Variants in COL17A1 observed in about 807,000 individuals in gnomAD.
The protein encoded by COL17A1 is collagen type XVII alpha 1 chain, also known as collagen alpha-1(XVII) chain.
A neutral mutation model predicts 218.4 loss-of-function variants in COL17A1; 181 were observed. The ratio of observed to expected loss-of-function variants is 0.83; its 90% CI spans 0.73 to 0.94. The LOEUF (loss-of-function observed/expected upper bound fraction) is 0.94, where lower values mean the gene tolerates loss of function less well. COL17A1 is among the 40% of genes least tolerant of loss of function. COL17A1 has a pLI of 0.00. For synonymous variants in COL17A1, 721 were observed against 731.0 expected (o/e 0.99, Z 0.22); for missense variants, 1,924 against 1,945.9 (o/e 0.99, Z 0.21).
intron 30 of COL17A1, 108 bp from the exon 31 acceptor site, chr10:104,047,918 A>G: frequency 4.4e-6 from 6 of 1,363,986 alleles, no homozygotes; most frequent in Non-Finnish European, 6.3e-6. Flanking sequence ...ACTTGCTGGC[A>G]GGTGGAAAGG....
chr10:104,076,524 G>A, intron 4 of COL17A1, 95 bp from the exon 5 acceptor site: 4 of 1,574,038 alleles, frequency 2.5e-6, no homozygotes, highest in Non-Finnish European at 3.5e-6. Flanking sequence ...AGTACACTCA[G>A]GGAGGGTCTT....
At chr10:104,042,521 C>T (rs1215376091) in intron 35 of COL17A1, 66 bp from the exon 36 acceptor site, 1 of 1,510,816 alleles carries the variant, frequency 6.6e-7, no homozygotes, top group Non-Finnish European at 9.2e-7. Context: ...GAACTAAAGG[C>T]ATAATTCCTC....
chr10:104,055,248 C>G lies in COL17A1; in HGVS notation c.1717+124G>C, dbSNP rs1418462636. 10 of 1,534,568 alleles carry G rather than the reference C, an allele frequency of 6.5e-6. No homozygotes were observed. In the East Asian group the frequency reaches 2.0e-4, roughly 31 times the overall value. On this transcript the variant is annotated intron_variant, in intron 19 of 55. Transcript: ENST00000648076. ...CCAACAGATACCTCCCAACAGATAC[C>G]ATAAGATCATTCAGCTCTTCATCCT...
intron 51 of COL17A1, 106 bp from the exon 52 acceptor site, chr10:104,034,440 A>G: frequency 6.8e-7 from 1 of 1,473,716 alleles, no homozygotes. Context: ...GAGAGACCAG[A>G]AGTGAACTTC....
chr10:104,045,950 C>T (rs899792882), intron 32 of COL17A1, among the ~76,000 whole-genome samples, 157 bp from the exon 33 acceptor site: 8 of 152,164 alleles, frequency 5.3e-5, no homozygotes, highest in South Asian at 2.1e-4. Flanking sequence ...TAGACAACCC[C>T]GGGGAGCCTC....
At position 104,050,730 on chromosome 10, in the gene COL17A1, G is replaced by A. The variant is rs370172833; in HGVS notation, c.2093-74C>T. ...CCAGGAAGGGGCAATGTCTGTCTCT[G>A]AAGACAGGCTCCCTCAATCCTGACT... is the stretch of plus-strand genomic sequence containing the variant. On this transcript the variant is annotated intron_variant, in intron 26 of 55. Coordinates refer to ENST00000648076, the MANE Select transcript of COL17A1 (RefSeq NM_000494.4). The A allele has an allele frequency of 3.6e-4, 574 of 1,613,770 alleles. 1 individual carries two copies. The highest frequency in any genetic ancestry group is 4.7e-4 in the Non-Finnish European group (550 of 1,179,780).
Position 104,077,416 on chromosome 10 carries a change from A to C in COL17A1, c.202+6T>G, listed in dbSNP as rs139524792. 705 of 1,608,958 alleles carry C rather than the reference A, an allele frequency of 4.4e-4. 5 individuals are homozygous for C. The East Asian group carries it at 6.6e-3, about 15-fold the overall frequency. On this transcript the variant is annotated splice_donor_region_variant and intron_variant, in intron 4 of 55. Coordinates refer to ENST00000648076, the MANE Select transcript of COL17A1 (RefSeq NM_000494.4). ...TCCCTGACCTCTTGCACTAGTGGGCACTCACTTGAGTTTATGTAGCCGCTG... is the reference window on the plus strand; with the variant it reads ...TCCCTGACCTCTTGCACTAGTGGGCCCTCACTTGAGTTTATGTAGCCGCTG...
intron 5 of COL17A1, among the ~76,000 whole-genome samples, chr10:104,074,761 G>A (rs890984223): frequency 1.3e-5 from 2 of 152,218 alleles, no homozygotes; most frequent in African/African-American, 2.4e-5. Context: ...GTCCTGCAGC[G>A]GCAGGAGGGA....
chr10:104,079,740 A>G (rs2086747404), intron 2 of COL17A1, among the ~76,000 whole-genome samples: 1 of 152,184 alleles, frequency 6.6e-6, no homozygotes, highest in South Asian at 2.1e-4. Flanking sequence ...AGCCTGGCCA[A>G]CATAGTGAAA....
chr10:104,038,947 G>T (rs1433682099), intron 44 of COL17A1, 124 bp downstream of exon 44: 1 of 1,143,644 alleles, frequency 8.7e-7, no homozygotes, highest in Non-Finnish European at 1.3e-6. Context: ...AGCACATGGA[G>T]AAGACAGCCA....
chr10:104,039,344 T>G, intron 43 of COL17A1, 101 bp downstream of exon 43: 1 of 1,345,932 alleles, frequency 7.4e-7, no homozygotes, highest in Admixed American at 1.7e-5. Flanking sequence ...CTCCCAAGAC[T>G]TTACACTGAT....
At position 104,052,185 on chromosome 10, in the gene COL17A1, G is replaced by A. The variant is rs1208672325; in HGVS notation, c.1972C>T (p.Pro658Ser). 2 of 1,614,156 alleles carry A rather than the reference G, an allele frequency of 1.2e-6. No individual in the cohort carries two copies. The highest frequency in any genetic ancestry group is 3.3e-5 in the Admixed American group (2 of 60,032). The change falls in exon 24 of 56, where the codon CCT becomes TCT. Residue 658 changes from proline to serine, a missense_variant. Physicochemically the swap from Pro to Ser is moderately conservative, Grantham distance 74 (BLOSUM62 -1). Coordinates refer to ENST00000648076, the MANE Select transcript of COL17A1 (RefSeq NM_000494.4). ...GGACCCACAGAACCTGGGACACCAGGTGGGCCATGAGGACCTGGTTCACCA... is the reference window on the plus strand; with the variant it reads ...GGACCCACAGAACCTGGGACACCAGATGGGCCATGAGGACCTGGTTCACCA... Reference protein sequence around the residue: ...AAGEPGPHGPPGVPGSVGPKG... With the variant: ...AAGEPGPHGPSGVPGSVGPKG...
At chr10:104,035,817 A>AGT (rs1191290657) in intron 48 of COL17A1, among the ~76,000 whole-genome samples, 2 of 18,620 alleles carry the variant, frequency 1.1e-4, no homozygotes, top group African/African-American at 2.2e-4. Context: ...TATGGGAGTG[A>AGT]GTGTGTGTGT....
intron 48 of COL17A1, among the ~76,000 whole-genome samples, chr10:104,035,821 T>TGCGTATGGGA (rs2086276215): frequency 2.1e-4 from 3 of 14,262 alleles, no homozygotes; most frequent in East Asian, 1.7e-3. Context: ...GGAGTGAGTG[T>TGCGTATGGGA]GTGTGTGTAT....
At position 104,046,641 on chromosome 10, in the gene COL17A1, T is replaced by A; in HGVS notation, c.2362+106A>T. 7 of 1,066,498 alleles carry A rather than the reference T, an allele frequency of 6.6e-6. No individual in the cohort carries two copies. In the South Asian group the frequency reaches 8.9e-5, roughly 14 times the overall value. 66.1% of individuals were successfully genotyped at this position (1,066,498 alleles called of 1,614,324 possible). ...GTGAAAGGGAGTGTGTGCCAGGGAG[T>A]TGGTGGAGGAGAGGAAACTCTGGTG... On this transcript the variant is annotated intron_variant, in intron 32 of 55. Coordinates refer to ENST00000648076, the MANE Select transcript of COL17A1 (RefSeq NM_000494.4).
intron 23 of COL17A1, 53 bp from the exon 24 acceptor site, chr10:104,052,270 C>T (rs2086477297): frequency 6.2e-7 from 1 of 1,609,988 alleles, no homozygotes; most frequent in Non-Finnish European, 8.5e-7. Flanking sequence ...GTGTGGCTGC[C>T]CCCTATCCTG....
chr10:104,039,577 G>C, intron 42 of COL17A1, 31 bp downstream of exon 42: 1 of 1,614,174 alleles, frequency 6.2e-7, no homozygotes, highest in South Asian at 1.1e-5. Flanking sequence ...GCTCTGGCCA[G>C]AGCCAGAATG....
rs748051030 is a variant in COL17A1, at chr10:104,048,228, G to T, written c.2228-124C>A. 6.3e-6 allele frequency: 6 copies of T among 955,510 alleles called. No homozygotes were observed. In the African/African-American group the frequency reaches 9.6e-5, roughly 15 times the overall value. 59.2% of individuals were successfully genotyped at this position (955,510 alleles called of 1,614,324 possible). The stretch of plus-strand genomic sequence containing the variant: ...GGAGCCCACGCAGCCATCAGCCACG[G>T]GACAGCCCTGTCTGTCACACTCTCT... On this transcript the variant is annotated intron_variant, in intron 29 of 55. Coordinates refer to ENST00000648076, the MANE Select transcript of COL17A1 (RefSeq NM_000494.4).
In COL17A1 at chr10:104,056,968, C is replaced by G; in HGVS notation, c.1465+7G>C. The G allele has an allele frequency of 6.4e-7, 1 of 1,565,576 alleles. No homozygotes were observed. The highest frequency in any genetic ancestry group is 1.4e-5 in the African/African-American group (1 of 73,746). On this transcript the variant is annotated splice_region_variant and intron_variant, in intron 17 of 55. Coordinates refer to ENST00000648076, the MANE Select transcript of COL17A1 (RefSeq NM_000494.4). ...ACACAGGCTGCCCTGCTGCCTTTGC[C>G]ACGTACCCAGAGCAATGAGGCCGAA...
Sources: gnomAD v4.1 joint callset for allele counts (sites outside exome capture counted in the v4.1 genomes callset) on GRCh38, gnomAD v4.1.1 for gene constraint, MANE v1.5 for transcripts, NCBI Gene and HGNC (gene_info 2026-07-23, HGNC 2026-07-21) for gene names.